Variants in VAV3 observed in about 807,000 individuals in gnomAD.
VAV3 encodes guanine nucleotide exchange factor VAV3.
A neutral mutation model predicts 131.2 loss-of-function variants in VAV3; 94 were observed. That is an observed-to-expected ratio of 0.72 (90% CI 0.61 to 0.85). VAV3 has a LOEUF of 0.85. Among genes scored for constraint, VAV3 ranks in the 40% least tolerant of loss-of-function variants. VAV3 has a pLI of 0.00. For missense variants in VAV3, 939 were observed against 1,002.7 expected, an observed-to-expected ratio of 0.94 and a Z score of 0.86; for synonymous variants, 349 against 342.0, an observed-to-expected ratio of 1.02 and a Z score of -0.22.
chr1:107,730,847 G>A (rs1339572364), intron 15 of VAV3, among the ~76,000 whole-genome samples: 1 of 152,208 alleles, frequency 6.6e-6, no homozygotes, highest in East Asian at 1.9e-4. Flanking sequence ...AACAACAGTA[G>A]GTGTTCTTGC....
intron 19 of VAV3, among the ~76,000 whole-genome samples, chr1:107,647,451 A>G (rs1031977061): frequency 6.6e-6 from 1 of 151,930 alleles, no homozygotes; most frequent in Non-Finnish European, 1.5e-5. Flanking sequence ...GAAGAAAGCA[A>G]GGGAAAGTAT....
chr1:107,833,699 G>A (rs933551712), intron 2 of VAV3, among the ~76,000 whole-genome samples: 3 of 152,126 alleles, frequency 2.0e-5, no homozygotes, highest in Non-Finnish European at 4.4e-5. Context: ...ATGACGTGTG[G>A]TCAGTGCCTA....
chr1:107,664,121 T>C (rs903273193), intron 19 of VAV3, among the ~76,000 whole-genome samples: 1 of 152,198 alleles, frequency 6.6e-6, no homozygotes, highest in Non-Finnish European at 1.5e-5. Context: ...ACATTAGCTA[T>C]TACATAATGT....
intron 1 of VAV3, among the ~76,000 whole-genome samples, chr1:107,940,265 C>T (rs754144233): frequency 6.6e-6 from 1 of 152,174 alleles, no homozygotes; most frequent in Non-Finnish European, 1.5e-5. Flanking sequence ...ACATCCTCCA[C>T]TTTTAAAGAG....
chr1:107,868,710 A>T (rs1316716508), intron 2 of VAV3, among the ~76,000 whole-genome samples: 1 of 152,184 alleles, frequency 6.6e-6, no homozygotes, highest in African/African-American at 2.4e-5. Flanking sequence ...GGAGATGTAG[A>T]GGCTTAACAA....
At chr1:107,855,402 G>A (rs1279829414) in intron 2 of VAV3, among the ~76,000 whole-genome samples, 3 of 151,996 alleles carry the variant, frequency 2.0e-5, no homozygotes, top group Non-Finnish European at 4.4e-5. Context: ...TCAGCCTCCT[G>A]AGTAGCTGCA....
intron 2 of VAV3, chr1:107,785,626 G>A: frequency 8.8e-7 from 1 of 1,139,980 alleles, no homozygotes; most frequent in Non-Finnish European, 1.1e-6. Context: ...GGTTTCTGAA[G>A]GATCAGAGCA....
intron 19 of VAV3, chr1:107,668,873 T>C: frequency 1.0e-6 from 1 of 985,586 alleles, no homozygotes; most frequent in Non-Finnish European, 1.2e-6. Flanking sequence ...AGCTTCTAGC[T>C]GGCAGTATCT....
chr1:107,597,226 TAA>T lies in VAV3; in HGVS notation c.2221-887_2221-886del, dbSNP rs11294561. Among the ~76,000 whole-genome samples, 257 of 138,030 alleles carry T rather than the reference TAA, an allele frequency of 1.9e-3. 2 individuals are homozygous for T. The South Asian group carries it at 0.019, about 10-fold the overall frequency. The allele number at this position is 138,030 out of a possible 152,430, so 90.6% of individuals were successfully genotyped here. A position where few individuals can be genotyped will look rare whatever the true frequency, so the allele number is the denominator to read the frequency against. ...GGAGCGCCTTTTTAAAAATAAAAAA[TAA>T]AAAAAAAAAAACAGAAAAAAAAACC... is the stretch of plus-strand genomic sequence containing the variant. On this transcript the variant is annotated intron_variant, in intron 24 of 26. Transcript: ENST00000370056.
At chr1:107,580,213 A>C (rs1649941628) in intron 25 of VAV3, among the ~76,000 whole-genome samples, 2 of 152,222 alleles carry the variant, frequency 1.3e-5, no homozygotes, top group South Asian at 4.1e-4. Flanking sequence ...ATGGACAAGT[A>C]TCTCGGCAGG....
At chr1:107,719,413 T>C (rs1661343228) in intron 15 of VAV3, among the ~76,000 whole-genome samples, 1 of 152,170 alleles carries the variant, frequency 6.6e-6, no homozygotes, top group South Asian at 2.1e-4. Flanking sequence ...AAACAGACAC[T>C]TTTCAAAAGA....
chr1:107,717,901 G>C (rs376431021), intron 15 of VAV3, among the ~76,000 whole-genome samples: 1 of 152,252 alleles, frequency 6.6e-6, no homozygotes, highest in East Asian at 1.9e-4. Context: ...CTAAGGACTT[G>C]CTTTATGAAT....
chr1:107,843,592 C>CG, intron 2 of VAV3, among the ~76,000 whole-genome samples: 1 of 150,452 alleles, frequency 6.6e-6, no homozygotes, highest in East Asian at 1.9e-4. Context: ...ATTCACTAGC[C>CG]ATCTGCTGAA....
At chr1:107,858,878 G>T (rs182956054) in intron 2 of VAV3, among the ~76,000 whole-genome samples, 2 of 152,270 alleles carry the variant, frequency 1.3e-5, no homozygotes, top group African/African-American at 4.8e-5. Context: ...AAATGTTCTT[G>T]AAACTATACA....
chr1:107,575,370 T>C (rs928050001), intron 25 of VAV3, among the ~76,000 whole-genome samples: 2 of 152,192 alleles, frequency 1.3e-5, no homozygotes. Context: ...TGACCTGTGT[T>C]ACCCTGGAAG....
chr1:107,725,110 A>G (rs17019802), intron 15 of VAV3, among the ~76,000 whole-genome samples: 33,480 of 152,088 alleles, frequency 0.22, 4,133 homozygotes, highest in East Asian at 0.46. Flanking sequence ...GAATAAAGGA[A>G]TCAGAAATGA....
chr1:107,723,777 G>A (rs1165712848), intron 15 of VAV3, among the ~76,000 whole-genome samples: 1 of 151,906 alleles, frequency 6.6e-6, no homozygotes, highest in Non-Finnish European at 1.5e-5. Flanking sequence ...ATTTCTCTTG[G>A]TGGTACCGTT....
intron 2 of VAV3, among the ~76,000 whole-genome samples, chr1:107,819,506 C>CAAA (rs113258345): frequency 1.6e-5 from 2 of 122,770 alleles, no homozygotes; most frequent in African/African-American, 6.1e-5. Context: ...GACTCTGTCT[C>CAAA]AAAAAAAAAA....
At chr1:107,738,065 A>G (rs1485176655) in intron 15 of VAV3, among the ~76,000 whole-genome samples, 49 of 152,224 alleles carry the variant, frequency 3.2e-4, no homozygotes, top group Non-Finnish European at 1.6e-4. Context: ...AGGGACATGG[A>G]TGAAGCTGGA....
Sources: allele counts gnomAD v4.1 joint callset (sites outside exome capture counted in the v4.1 genomes callset), GRCh38; gene constraint gnomAD v4.1.1; transcripts MANE v1.5; gene names NCBI Gene and HGNC (gene_info 2026-07-23, HGNC 2026-07-21).